Variants in CCSER1 observed in about 807,000 individuals in gnomAD.
CCSER1 encodes the protein coiled-coil serine rich protein 1.
In CCSER1, 41 loss-of-function variants were observed where a neutral mutation model predicts 82.0. The ratio of observed to expected loss-of-function variants is 0.50; its 90% CI spans 0.39 to 0.65. The LOEUF is 0.65. Ranked by LOEUF, CCSER1 falls within the 30% of genes least tolerant of loss-of-function variation. The pLI is 0.00. For missense variants in CCSER1, 1,119 were observed against 1,064.2 expected (o/e 1.05, Z -0.72); for synonymous variants, 414 against 383.9 (o/e 1.08, Z -0.92).
chr4:91,082,792 C>A (rs2148807640), intron 9 of CCSER1, among the ~76,000 whole-genome samples: 1 of 152,106 alleles, frequency 6.6e-6, no homozygotes, highest in African/African-American at 2.4e-5. Flanking sequence ...TTTATGCAGC[C>A]AAAAGACACA....
At chr4:91,490,028 C>T (rs897298104) in intron 10 of CCSER1, among the ~76,000 whole-genome samples, 1 of 152,008 alleles carries the variant, frequency 6.6e-6, no homozygotes, top group African/African-American at 2.4e-5. Flanking sequence ...AATTGCAAAT[C>T]AAAAGTACAA....
intron 5 of CCSER1, among the ~76,000 whole-genome samples, chr4:90,593,400 G>A (rs1049325801): frequency 2.0e-5 from 3 of 152,118 alleles, no homozygotes; most frequent in Admixed American, 6.6e-5. Context: ...AATTGAAAAT[G>A]AAAGCACACT....
At chr4:91,328,966 G>A (rs767414970) in intron 10 of CCSER1, among the ~76,000 whole-genome samples, 7 of 151,430 alleles carry the variant, frequency 4.6e-5, no homozygotes, top group Admixed American at 6.6e-5. Flanking sequence ...CTTGCCTGCC[G>A]CCATGTAAGA....
chr4:91,169,092 C>A (rs1167109809), intron 10 of CCSER1, among the ~76,000 whole-genome samples: 2 of 151,572 alleles, frequency 1.3e-5, no homozygotes, highest in Non-Finnish European at 2.9e-5. Flanking sequence ...CCTAGGAAAA[C>A]CAGAGACCTT....
Position 91,259,468 on chromosome 4 carries a change from T to A in CCSER1, c.2217+173474T>A, listed in dbSNP as rs954814548. On this transcript the variant is annotated intron_variant, in intron 10 of 10. Transcript: ENST00000509176. ...TAGTCATATATATATATATACACAC[T>A]TCTGGGGTACATGTGCAGAACATGC... is the stretch of plus-strand genomic sequence containing the variant. 2.6e-5 allele frequency among the ~76,000 whole-genome samples: 4 copies of A among 151,750 alleles called. No homozygotes were observed. In the South Asian group the frequency reaches 8.3e-4, roughly 32 times the overall value.
At chr4:91,404,396 C>G (rs879878795) in intron 10 of CCSER1, among the ~76,000 whole-genome samples, 3 of 151,858 alleles carry the variant, frequency 2.0e-5, no homozygotes, top group Non-Finnish European at 4.4e-5. Context: ...TCTGTCTCCT[C>G]CAGTTCTGCT....
chr4:90,659,979 TGAG>T (rs1342078773), intron 6 of CCSER1, among the ~76,000 whole-genome samples: 3 of 151,858 alleles, frequency 2.0e-5, no homozygotes, highest in African/African-American at 7.2e-5. Context: ...TTGTTGTTGT[TGAG>T]TTCTTTGAGT....
At chr4:90,139,424 T>C (rs186769590) in intron 1 of CCSER1, among the ~76,000 whole-genome samples, 16 of 152,356 alleles carry the variant, frequency 1.1e-4, no homozygotes, top group Admixed American at 3.3e-4. Flanking sequence ...GTATTTTCAC[T>C]TTATAGTTCT....
At chr4:91,280,488 C>A (rs2149201329) in intron 10 of CCSER1, among the ~76,000 whole-genome samples, 1 of 152,218 alleles carries the variant, frequency 6.6e-6, no homozygotes, top group South Asian at 2.1e-4. Flanking sequence ...GTTTGCCCAT[C>A]CTCAGGCCTC....
intron 1 of CCSER1, among the ~76,000 whole-genome samples, chr4:90,211,765 T>A (rs1185597262): frequency 6.6e-6 from 1 of 152,250 alleles, no homozygotes. Context: ...GGAAGTTTAC[T>A]GATGAATTCT....
chr4:91,291,058 T>C (rs1743705638), intron 10 of CCSER1, among the ~76,000 whole-genome samples: 1 of 151,380 alleles, frequency 6.6e-6, no homozygotes, highest in African/African-American at 2.4e-5. Flanking sequence ...TTAAAATCAA[T>C]TTTTTCTTTT....
chr4:90,385,028 C>A (rs1435467365), intron 3 of CCSER1, among the ~76,000 whole-genome samples: 1 of 152,142 alleles, frequency 6.6e-6, no homozygotes, highest in Non-Finnish European at 1.5e-5. Context: ...TAGTGGCCTC[C>A]ATTTCTATCC....
At chr4:90,558,436 A>T (rs1339612142) in intron 5 of CCSER1, among the ~76,000 whole-genome samples, 1 of 152,086 alleles carries the variant, frequency 6.6e-6, no homozygotes, top group Non-Finnish European at 1.5e-5. Context: ...ATTCCAGTAA[A>T]TCGCCTCACT....
intron 10 of CCSER1, among the ~76,000 whole-genome samples, chr4:91,208,618 C>G (rs1003698067): frequency 6.6e-6 from 1 of 151,234 alleles, no homozygotes; most frequent in African/African-American, 2.4e-5. Context: ...CATGCTGTTT[C>G]GGTTACTGTA....
At chr4:90,594,712 C>T (rs772438571) in intron 5 of CCSER1, among the ~76,000 whole-genome samples, 11 of 151,998 alleles carry the variant, frequency 7.2e-5, no homozygotes, top group Non-Finnish European at 1.5e-4. Flanking sequence ...AGAGTTCTAC[C>T]AGCAGAATAG....
chr4:91,599,263 G>T lies in CCSER1; in HGVS notation c.*206G>T, dbSNP rs1459242717. 3.6e-6 allele frequency: 2 copies of T among 556,120 alleles called. No homozygotes were observed. Among genetic ancestry groups the T allele is most frequent in the Non-Finnish European group, 6.1e-6 (2 of 327,994 alleles). 34.4% of individuals were successfully genotyped at this position (556,120 alleles called of 1,614,324 possible). A position where few individuals can be genotyped will look rare whatever the true frequency, so the allele number is the denominator to read the frequency against. ...AAGTTTGAGCATGTTAATTGAACTA[G>T]GTTGCATTGCCTTGAAGACTTTACT... On this transcript the variant is annotated 3_prime_UTR_variant, in exon 11 of 11. Coordinates refer to ENST00000509176, the MANE Select transcript of CCSER1 (RefSeq NM_001145065.2).
At chr4:91,023,982 C>G (rs2150534856) in intron 9 of CCSER1, among the ~76,000 whole-genome samples, 1 of 152,178 alleles carries the variant, frequency 6.6e-6, no homozygotes, top group African/African-American at 2.4e-5. Context: ...TCTGGGAAGT[C>G]CAAAGTCAAG....
chr4:91,578,580 C>A (rs1186509754), intron 10 of CCSER1, among the ~76,000 whole-genome samples: 1 of 151,892 alleles, frequency 6.6e-6, no homozygotes, highest in East Asian at 1.9e-4. Flanking sequence ...GGCTAGAATG[C>A]TTCTTAGGTT....
intron 6 of CCSER1, chr4:90,642,204 T>A (rs1209580927): frequency 3.2e-5 from 5 of 155,942 alleles, no homozygotes; most frequent in African/African-American, 1.2e-4. Flanking sequence ...TTTACTGAAA[T>A]TATGTTTTGT....
Sources: allele counts gnomAD v4.1 joint callset (sites outside exome capture counted in the v4.1 genomes callset), GRCh38; gene constraint gnomAD v4.1.1; transcripts MANE v1.5; gene names NCBI Gene and HGNC (gene_info 2026-07-23, HGNC 2026-07-21).